COL21A1: variants seen among roughly 807,000 people sequenced by gnomAD.
COL21A1 encodes the protein collagen alpha-1(XXI) chain.
A neutral mutation model predicts 137.9 loss-of-function variants in COL21A1; 149 were observed. The ratio of observed to expected loss-of-function variants is 1.08; its 90% CI spans 0.95 to 1.24. The LOEUF (loss-of-function observed/expected upper bound fraction) is 1.24. COL21A1 is among the 50% of genes most tolerant of loss of function. The pLI is 0.00. For missense variants in COL21A1, 1,167 were observed against 1,158.4 expected (o/e 1.01, Z -0.11); for synonymous variants, 456 against 391.5 (o/e 1.16, Z -1.95).
chr6:56,134,619 C>G (rs1044955955), intron 12 of COL21A1, among the ~76,000 whole-genome samples: 1 of 152,188 alleles, frequency 6.6e-6, no homozygotes, highest in Admixed American at 6.5e-5. Flanking sequence ...TGTCCCCACC[C>G]AAATCTCAAA....
chr6:56,159,077 GGA>G (rs1776003491), intron 9 of COL21A1, among the ~76,000 whole-genome samples: 1 of 152,062 alleles, frequency 6.6e-6, no homozygotes, highest in Non-Finnish European at 1.5e-5. Context: ...TGTGCTGATT[GGA>G]CTTGCTGCCT....
At chr6:56,304,550 TTTGTA>T (rs1562047556) in intron 1 of COL21A1, among the ~76,000 whole-genome samples, 2 of 151,042 alleles carry the variant, frequency 1.3e-5, no homozygotes, top group African/African-American at 4.8e-5. Context: ...CTGATGGTAG[TTTGTA>T]TTTCTGTGGG....
intron 1 of COL21A1, among the ~76,000 whole-genome samples, chr6:56,272,679 G>A (rs561961791): frequency 6.6e-6 from 1 of 152,204 alleles, no homozygotes; most frequent in Non-Finnish European, 1.5e-5. Context: ...GGAAGTGATT[G>A]GATCATGGGG....
chr6:56,361,384 A>G (rs1245850955), intron 1 of COL21A1, among the ~76,000 whole-genome samples: 1 of 152,174 alleles, frequency 6.6e-6, no homozygotes, highest in African/African-American at 2.4e-5. Context: ...CTATTTGCTT[A>G]ATTTTATTTT....
intron 10 of COL21A1, among the ~76,000 whole-genome samples, chr6:56,155,150 A>T (rs1775645256): frequency 6.6e-6 from 1 of 152,126 alleles, no homozygotes; most frequent in African/African-American, 2.4e-5. Context: ...GCTCCCAGTG[A>T]TAAGTGAGAA....
intron 1 of COL21A1, among the ~76,000 whole-genome samples, chr6:56,239,983 C>A (rs905497905): frequency 6.6e-6 from 1 of 151,944 alleles, no homozygotes; most frequent in African/African-American, 2.4e-5. Context: ...GGGATGATTT[C>A]CCCCATACTG....
chr6:56,276,505 A>ATTAATCATT, intron 1 of COL21A1: 1 of 1,053,108 alleles, frequency 9.5e-7, no homozygotes, highest in South Asian at 1.5e-5. Context: ...AACTTAAAAT[A>ATTAATCATT]AACCAGAAAA....
rs559203875 is a variant in COL21A1, at chr6:56,106,600, C to T, written c.1759-5075G>A. Among the ~76,000 whole-genome samples, 4 of 152,254 alleles carry T rather than the reference C, an allele frequency of 2.6e-5. No homozygotes were observed. In the East Asian group the frequency reaches 7.7e-4, roughly 29 times the overall value. Reference sequence around the variant, plus strand: ...GACCAGCAAGCTATCCAAACATGTACAACCCTGTTTATTATTACAGGTCAA... The same window carrying T: ...GACCAGCAAGCTATCCAAACATGTATAACCCTGTTTATTATTACAGGTCAA... On this transcript the variant is annotated intron_variant, in intron 16 of 29. Transcript: ENST00000244728.
intron 17 of COL21A1, among the ~76,000 whole-genome samples, chr6:56,094,015 A>T (rs1228023509): frequency 6.6e-6 from 1 of 152,144 alleles, no homozygotes; most frequent in African/African-American, 2.4e-5. Context: ...GTAACAGTGA[A>T]TCTGCTAATT....
At chr6:56,310,889 T>G (rs1305956824) in intron 1 of COL21A1, among the ~76,000 whole-genome samples, 2 of 152,162 alleles carry the variant, frequency 1.3e-5, no homozygotes, top group African/African-American at 4.8e-5. Flanking sequence ...TTTTTTTTCC[T>G]TCTACCAGAA....
intron 1 of COL21A1, among the ~76,000 whole-genome samples, chr6:56,383,771 C>T (rs2094012750): frequency 6.6e-6 from 1 of 152,092 alleles, no homozygotes; most frequent in Non-Finnish European, 1.5e-5. Context: ...GCAACATATA[C>T]TCTTGCCTCC....
chr6:56,132,736 G>A (rs1257787617), intron 12 of COL21A1, among the ~76,000 whole-genome samples: 1 of 152,124 alleles, frequency 6.6e-6, no homozygotes, highest in Non-Finnish European at 1.5e-5. Context: ...GTCATGGGAG[G>A]AACCCAGTGG....
chr6:56,348,451 A>AG (rs1765640909), intron 1 of COL21A1, among the ~76,000 whole-genome samples: 1 of 152,180 alleles, frequency 6.6e-6, no homozygotes, highest in Non-Finnish European at 1.5e-5. Flanking sequence ...CAGGAGTCTT[A>AG]GGGGAAACAC....
At position 56,064,640 on chromosome 6, in the gene COL21A1, AC is replaced by A. The variant is rs758289662; in HGVS notation, c.2128-19del. 241 of 1,547,630 alleles carry A rather than the reference AC, an allele frequency of 1.6e-4. No individual in the cohort carries two copies. Among genetic ancestry groups the A allele is most frequent in the Non-Finnish European group, 1.8e-4 (208 of 1,138,980 alleles). Reference sequence around the variant, plus strand: ...TTTTGACCCTTTAAAATAAAAAAAAACATTATTGATTAGTTTGCACACTTAC... The same window carrying A: ...TTTTGACCCTTTAAAATAAAAAAAAAATTATTGATTAGTTTGCACACTTAC... On this transcript the variant is annotated intron_variant, in intron 23 of 29. Coordinates refer to ENST00000244728, the MANE Select transcript of COL21A1 (RefSeq NM_030820.4).
chr6:56,168,070 G>A (rs1776728222), intron 6 of COL21A1, 54 bp downstream of exon 6: 1 of 1,190,944 alleles, frequency 8.4e-7, no homozygotes. Context: ...TATTACAAAG[G>A]ACAGCAAAAG....
chr6:56,267,875 A>C (rs1400683860), intron 1 of COL21A1, among the ~76,000 whole-genome samples: 1 of 151,906 alleles, frequency 6.6e-6, no homozygotes, highest in Non-Finnish European at 1.5e-5. Flanking sequence ...CACCATTCCC[A>C]CTGAAAGAGA....
chr6:56,099,438 G>A (rs543760053), intron 17 of COL21A1, among the ~76,000 whole-genome samples: 3 of 151,318 alleles, frequency 2.0e-5, no homozygotes, highest in South Asian at 4.2e-4. Flanking sequence ...GGGTTTCACC[G>A]TGTTAGCCAG....
intron 1 of COL21A1, among the ~76,000 whole-genome samples, chr6:56,285,561 T>A (rs1462083167): frequency 6.6e-6 from 1 of 152,194 alleles, no homozygotes; most frequent in Non-Finnish European, 1.5e-5. Flanking sequence ...TTCTCATTTC[T>A]CTTCTCATTT....
intron 1 of COL21A1, among the ~76,000 whole-genome samples, chr6:56,355,584 C>T (rs1414906728): frequency 1.3e-5 from 2 of 152,056 alleles, no homozygotes; most frequent in Admixed American, 6.5e-5. Context: ...GTAAACATTG[C>T]TGGATATTTC....
Sources: gnomAD v4.1 joint callset for allele counts (sites outside exome capture counted in the v4.1 genomes callset) on GRCh38, gnomAD v4.1.1 for gene constraint, MANE v1.5 for transcripts, NCBI Gene and HGNC (gene_info 2026-07-23, HGNC 2026-07-21) for gene names.